Variants in ZNF324B observed in about 807,000 individuals in gnomAD.
ZNF324B encodes the protein zinc finger protein 324B.
In ZNF324B, 7 loss-of-function variants were observed where a neutral mutation model predicts 10.6. That is an observed-to-expected ratio of 0.66 (90% confidence interval 0.38 to 1.24). The LOEUF is 1.24. Among genes scored for constraint, ZNF324B ranks in the 50% most tolerant of loss-of-function variants. ZNF324B has a pLI of 0.02. For synonymous variants in ZNF324B, 316 were observed against 321.0 expected (o/e 0.98, Z 0.17); for missense variants, 640 against 764.7 (o/e 0.84, Z 1.92).
rs1341168220 is a variant in ZNF324B, at chr19:58,451,641, C to T, written c.-70C>T. The T allele has an allele frequency of 1.9e-6, 1 of 516,690 alleles. No homozygotes were observed. The highest frequency in any genetic ancestry group is 1.9e-5 in the African/African-American group (1 of 51,562). The allele number at this position is 516,690 out of a possible 1,614,324, so 32.0% of individuals were successfully genotyped here. On this transcript the variant is annotated 5_prime_UTR_variant, in exon 1 of 4. Transcript: ENST00000336614. The stretch of plus-strand genomic sequence containing the variant: ...GGGACTGTCACTTGGCTGCTCGCGT[C>T]AGGCCACACCGGTGGTCTGGGCTGT...
chr19:58,455,251 C>A lies in ZNF324B; in HGVS notation c.307C>A (p.Pro103Thr), dbSNP rs779603168. Residue 103 changes from proline (P) to threonine (T), a missense_variant, in exon 4 of 4, where the codon CCT becomes ACT. By Grantham distance (38) the Pro-to-Thr change is conservative. This residue lies in a region of ZNF324B where 345 missense variants were observed against 387.9 expected (regional missense o/e 0.89). Coordinates refer to ENST00000336614, the MANE Select transcript of ZNF324B (RefSeq NM_207395.3). This position sits in a 1 kb window ranked among gnomAD's most constrained non-coding sequence, Gnocchi z 7.0. ...EWPRAFPDTPPGMTTSVFPVA... is the reference protein window; with the variant it reads ...EWPRAFPDTPTGMTTSVFPVA... ...GCCACGAGCTTTCCCAGATACCCCA[C>A]CTGGGATGACTACTAGCGTCTTCCC... 66 of 1,614,080 alleles carry A rather than the reference C, an allele frequency of 4.1e-5. No individual in the cohort carries two copies. The highest frequency in any genetic ancestry group is 5.5e-5 in the Non-Finnish European group (65 of 1,180,034).
the ZNF324B span, chr19:58,437,218 G>GA: frequency 6.3e-7 from 1 of 1,582,564 alleles, no homozygotes; most frequent in Non-Finnish European, 8.6e-7. Flanking sequence ...GAAGTATGCT[G>GA]ACAAAGAAAC....
the ZNF324B span, chr19:58,439,646 G>T: frequency 8.4e-7 from 1 of 1,192,342 alleles, no homozygotes. Flanking sequence ...ACCCACGTGT[G>T]AGGACAGGAC....
upstream of ZNF324B, among the ~76,000 whole-genome samples, chr19:58,450,220 C>T (rs956828807): frequency 3.9e-5 from 6 of 152,122 alleles, no homozygotes; most frequent in African/African-American, 7.2e-5. Flanking sequence ...TGAGGCCTCT[C>T]CAGCCACGTG....
At chr19:58,434,735 C>T in the ZNF324B span, 25 of 1,614,012 alleles carry the variant, frequency 1.5e-5, no homozygotes, top group African/African-American at 8.0e-5. Flanking sequence ...TTGCTGCACT[C>T]GAAGAGTTTC....
At position 58,456,109 on chromosome 19, in the gene ZNF324B, C is replaced by G. The variant is rs1452173472; in HGVS notation, c.1165C>G (p.Arg389Gly). 2 of 1,613,206 alleles carry G rather than the reference C, an allele frequency of 1.2e-6. No individual in the cohort carries two copies. The highest frequency in any genetic ancestry group is 1.7e-6 in the Non-Finnish European group (2 of 1,179,938). The change falls in exon 4 of 4, where the codon CGT (arginine) becomes GGT (glycine). Residue 389 changes from arginine (R) to glycine (G), a missense_variant. Arg to Gly is a moderately radical substitution (Grantham distance 125). Coordinates refer to ENST00000336614, the MANE Select transcript of ZNF324B (RefSeq NM_207395.3). This position sits in a 1 kb window ranked among gnomAD's most constrained non-coding sequence, Gnocchi z 4.7. ...CRNSHLIQHE[R>G]THTGEKPFVC... ...CAACTCGCACCTGATCCAGCACGAG[C>G]GTACGCACACAGGCGAGAAGCCCTT... is the stretch of plus-strand genomic sequence containing the variant.
the ZNF324B span, chr19:58,432,282 T>G: frequency 1.9e-6 from 1 of 517,648 alleles, no homozygotes; most frequent in Non-Finnish European, 3.9e-6. Context: ...TGAATGTACA[T>G]GACATTGCAT....
chr19:58,426,780 C>T, the ZNF324B span, among the ~76,000 whole-genome samples: 1 of 152,144 alleles, frequency 6.6e-6, no homozygotes, highest in East Asian at 1.9e-4. Context: ...AGGAACTGCC[C>T]AGTAGATTCC....
chr19:58,448,709 A>G (rs1188177326), upstream of ZNF324B, among the ~76,000 whole-genome samples: 1 of 152,210 alleles, frequency 6.6e-6, no homozygotes, highest in Non-Finnish European at 1.5e-5. Flanking sequence ...CCTGGGTGAC[A>G]GAGCAAGACT....
At chr19:58,449,359 T>C (rs530559254), upstream of ZNF324B, among the ~76,000 whole-genome samples, 14 of 152,220 alleles carry the variant, frequency 9.2e-5, no homozygotes, top group Non-Finnish European at 1.6e-4. Context: ...AAGGGAAATG[T>C]GGGGTTGAAG....
At chr19:58,436,633 A>T in the ZNF324B span, among the ~76,000 whole-genome samples, 1 of 139,946 alleles carries the variant, frequency 7.1e-6, no homozygotes, top group Non-Finnish European at 1.5e-5. Context: ...ACGCCACTGC[A>T]CTCCAGCCTG....
chr19:58,427,601 C>T, the ZNF324B span, among the ~76,000 whole-genome samples: 2 of 150,704 alleles, frequency 1.3e-5, no homozygotes, highest in African/African-American at 4.9e-5. Flanking sequence ...GTGATCCGCC[C>T]GCATTGGCCT....
chr19:58,433,433 C>A, the ZNF324B span: 2 of 1,614,132 alleles, frequency 1.2e-6, no homozygotes, highest in African/African-American at 1.3e-5. Context: ...TGGTGCCGAA[C>A]AAGTGTAGAT....
the ZNF324B span, chr19:58,439,936 G>T: frequency 3.7e-6 from 4 of 1,095,440 alleles, no homozygotes; most frequent in Non-Finnish European, 3.9e-6. Flanking sequence ...AGGCCTCTGG[G>T]CACCGCAGGG....
At chr19:58,434,758 A>G in the ZNF324B span, 1 of 1,614,184 alleles carries the variant, frequency 6.2e-7, no homozygotes, top group Middle Eastern at 1.6e-4. Flanking sequence ...TGTGGTACAG[A>G]CTTCTGGAAG....
chr19:58,439,746 A>G, the ZNF324B span: 1 of 1,522,922 alleles, frequency 6.6e-7, no homozygotes, highest in East Asian at 2.6e-5. Flanking sequence ...GGCCTGGGGC[A>G]CACTCCACTT....
At chr19:58,430,495 G>A in the ZNF324B span, 1 of 152,254 alleles carries the variant, frequency 6.6e-6, no homozygotes, top group Non-Finnish European at 1.5e-5. Flanking sequence ...TCCCACATTT[G>A]TTGCCCATAA....
chr19:58,428,760 G>C, the ZNF324B span: 26,845 of 152,170 alleles, frequency 0.18, 2,596 homozygotes, highest in Non-Finnish European at 0.21. Flanking sequence ...TCTGATGTGC[G>C]TTTAGAACAG....
At chr19:58,445,966 C>G in the ZNF324B span, 1 of 157,492 alleles carries the variant, frequency 6.3e-6, no homozygotes, top group Non-Finnish European at 1.4e-5. Flanking sequence ...GAAACCCTGT[C>G]TCTACTAAAA....
Sources: allele counts gnomAD v4.1 joint callset (sites outside exome capture counted in the v4.1 genomes callset), GRCh38; gene constraint gnomAD v4.1.1; regional missense constraint gnomAD v4.1.1; non-coding constraint Gnocchi (gnomAD v3.1); transcripts MANE v1.5; gene names NCBI Gene and HGNC (gene_info 2026-07-23, HGNC 2026-07-21).